SLCO6A1: variants seen among roughly 807,000 people sequenced by gnomAD.
SLCO6A1 encodes cancer/testis antigen 48.
SLCO6A1 carries 65 observed loss-of-function variants against 72.7 expected under a neutral mutation model. The observed-to-expected ratio is 0.89, with a 90% CI of 0.73 to 1.10. SLCO6A1 has a LOEUF of 1.10. Ranked by LOEUF, SLCO6A1 falls within the 50% of genes least tolerant of loss-of-function variation. The pLI is 0.00. For missense variants in SLCO6A1, 874 were observed against 872.6 expected (o/e 1.00, Z -0.02); for synonymous variants, 314 against 298.2 (o/e 1.05, Z -0.55).
At position 102,444,658 on chromosome 5, in the gene SLCO6A1, A is replaced by T. The variant is rs1750013387; in HGVS notation, c.1132-5897T>A. 2.0e-5 allele frequency among the ~76,000 whole-genome samples: 3 copies of T among 152,166 alleles called. No individual in the cohort carries two copies. The South Asian group carries it at 6.2e-4, about 31-fold the overall frequency. The stretch of plus-strand genomic sequence containing the variant: ...TTCACCTCTTTTATTTTCAGAAAAA[A>T]CAGTTTATTTAGAGTCACACCTAGG... On this transcript the variant is annotated intron_variant, in intron 6 of 13. Coordinates refer to ENST00000506729, the MANE Select transcript of SLCO6A1 (RefSeq NM_173488.5).
intron 9 of SLCO6A1, among the ~76,000 whole-genome samples, chr5:102,412,776 A>C (rs1748056628): frequency 6.8e-6 from 1 of 148,050 alleles, no homozygotes; most frequent in Non-Finnish European, 1.5e-5. Context: ...ATAAACACAC[A>C]CCAAAAAAAA....
intron 6 of SLCO6A1, among the ~76,000 whole-genome samples, chr5:102,441,034 C>T (rs1225946004): frequency 6.6e-6 from 1 of 152,180 alleles, no homozygotes; most frequent in African/African-American, 2.4e-5. Flanking sequence ...ACATTAATCA[C>T]TTGGATTTAG....
rs147044344 is a variant in SLCO6A1, at chr5:102,399,664, C to T, written c.1705G>A (p.Gly569Arg). ...AEGDFIDARPGKCDAKCYKLP... is the reference protein window; with the variant it reads ...AEGDFIDARPRKCDAKCYKLP... ...TTATAGCACTTTGCATCACATTTCC[C>T]GGGTCTGGCATCAATAAAATCACCT... Residue 569 changes from glycine to arginine, a missense_variant, in exon 10 of 14, where the codon GGG (glycine) becomes AGG (arginine). Gly to Arg is a moderately radical substitution (Grantham distance 125). Transcript: ENST00000506729. The T allele has an allele frequency of 2.6e-5, 42 of 1,609,126 alleles. No homozygotes were observed. The highest frequency in any genetic ancestry group is 1.7e-4 in the Admixed American group (10 of 59,878).
At chr5:102,498,127 C>G (rs972563366) in intron 1 of SLCO6A1, among the ~76,000 whole-genome samples, 1 of 152,166 alleles carries the variant, frequency 6.6e-6, no homozygotes, top group African/African-American at 2.4e-5. Context: ...TCCCGAGCCC[C>G]TGCCAGCCAA....
At chr5:102,455,090 A>T (rs1750637252) in intron 6 of SLCO6A1, among the ~76,000 whole-genome samples, 1 of 149,834 alleles carries the variant, frequency 6.7e-6, no homozygotes, top group African/African-American at 2.5e-5. Context: ...TTTGCCTGGG[A>T]ATATAAGGTG....
chr5:102,482,276 T>C lies in SLCO6A1; in HGVS notation c.359-1842A>G, dbSNP rs1752234189. Among the ~76,000 whole-genome samples the C allele has an allele frequency of 1.3e-5, 2 of 152,074 alleles. 1 individual carries two copies. The highest frequency in any genetic ancestry group is 4.1e-4 in the South Asian group (2 of 4,820). On this transcript the variant is annotated intron_variant, in intron 1 of 13. Transcript: ENST00000506729. ...AAAATAAAAAACCAGAACATATACATATATAAACATATATACACGCAAATG... is the reference window on the plus strand; with the variant it reads ...AAAATAAAAAACCAGAACATATACACATATAAACATATATACACGCAAATG...
intron 4 of SLCO6A1, 88 bp from the exon 5 acceptor site, chr5:102,459,865 G>C (rs960784802): frequency 8.6e-7 from 1 of 1,164,314 alleles, no homozygotes; most frequent in Non-Finnish European, 1.2e-6. Flanking sequence ...GAAAGTGAGA[G>C]TGAGAGAGGG....
At chr5:102,439,855 A>G (rs977586259) in intron 6 of SLCO6A1, among the ~76,000 whole-genome samples, 2 of 152,182 alleles carry the variant, frequency 1.3e-5, no homozygotes, top group Admixed American at 6.5e-5. Flanking sequence ...CATTTTCTTC[A>G]TTTAGCTTGT....
In SLCO6A1 at chr5:102,480,282, C is replaced by A. The variant is rs536554379; in HGVS notation, c.511G>T (p.Val171Leu). The A allele has an allele frequency of 9.9e-6, 16 of 1,613,306 alleles. No individual in the cohort carries two copies. The highest frequency in any genetic ancestry group is 1.4e-5 in the Non-Finnish European group (16 of 1,179,706). Reference sequence around the variant, plus strand: ...AAGGAGGAAGCTACAAACCATATTACTTTTTTTCTGTCTCCATAGAATGCT... The same window carrying A: ...AAGGAGGAAGCTACAAACCATATTAATTTTTTTCTGTCTCCATAGAATGCT... ...FIAFYGDRKK[V>L]IWFVASSFLI... The change falls in exon 2 of 14, where the codon GTA (valine) becomes TTA (leucine). Residue 171 changes from valine (V) to leucine (L), a missense_variant. By Grantham distance (32) the Val-to-Leu change is conservative (BLOSUM62 1). Coordinates refer to ENST00000506729, the MANE Select transcript of SLCO6A1 (RefSeq NM_173488.5).
chr5:102,465,335 G>C (rs2112781720), intron 4 of SLCO6A1, among the ~76,000 whole-genome samples: 1 of 151,846 alleles, frequency 6.6e-6, no homozygotes, highest in Admixed American at 6.6e-5. Context: ...ATATATATCT[G>C]GGATAACTCA....
chr5:102,374,585 A>G (rs1745673665), intron 12 of SLCO6A1, among the ~76,000 whole-genome samples: 1 of 152,194 alleles, frequency 6.6e-6, no homozygotes, highest in Non-Finnish European at 1.5e-5. Context: ...AATATCAATT[A>G]TCTGACATAA....
chr5:102,450,722 C>G (rs1447158054), intron 6 of SLCO6A1, among the ~76,000 whole-genome samples: 2 of 152,196 alleles, frequency 1.3e-5, no homozygotes, highest in Non-Finnish European at 2.9e-5. Context: ...GGGCTCCACT[C>G]CAGAGAAGCA....
chr5:102,417,668 T>C (rs934985499), intron 8 of SLCO6A1, among the ~76,000 whole-genome samples: 33 of 152,342 alleles, frequency 2.2e-4, no homozygotes, highest in African/African-American at 7.5e-4. Flanking sequence ...TGTATATTTA[T>C]CCACATAGTT....
At chr5:102,450,400 G>C (rs117830554) in intron 6 of SLCO6A1, among the ~76,000 whole-genome samples, 1 of 152,360 alleles carries the variant, frequency 6.6e-6, no homozygotes, top group South Asian at 2.1e-4. Context: ...TATTAGCCAA[G>C]TATTTTCAGT....
At chr5:102,414,924 TAA>T (rs1554068417) in intron 8 of SLCO6A1, among the ~76,000 whole-genome samples, 1 of 151,164 alleles carries the variant, frequency 6.6e-6, no homozygotes, top group African/African-American at 2.4e-5. Flanking sequence ...AATAAATAAA[TAA>T]ATAAATAAAT....
chr5:102,418,013 C>T (rs935425490), intron 8 of SLCO6A1, among the ~76,000 whole-genome samples: 1 of 151,652 alleles, frequency 6.6e-6, no homozygotes, highest in Non-Finnish European at 1.5e-5. Context: ...AAATTACTTA[C>T]TTTTTTCGTC....
intron 4 of SLCO6A1, among the ~76,000 whole-genome samples, chr5:102,460,270 C>T (rs6867818): frequency 0.023 from 3,516 of 152,160 alleles, 95 homozygotes; most frequent in African/African-American, 0.068. Context: ...AGTCCCTTCT[C>T]CGAACTTTCA....
At chr5:102,452,896 A>G (rs2895830) in intron 6 of SLCO6A1, among the ~76,000 whole-genome samples, 71,794 of 151,976 alleles carry the variant, frequency 0.47, 18,683 homozygotes, top group Non-Finnish European at 0.57. Context: ...AAGAGTTTCT[A>G]AACAGCCATT....
intron 9 of SLCO6A1, among the ~76,000 whole-genome samples, chr5:102,410,175 C>T (rs933252120): frequency 2.0e-5 from 3 of 152,162 alleles, no homozygotes; most frequent in Non-Finnish European, 4.4e-5. Flanking sequence ...TAGCTCCTCT[C>T]TGTAGGCGGG....
Sources: allele counts gnomAD v4.1 joint callset (sites outside exome capture counted in the v4.1 genomes callset), GRCh38; gene constraint gnomAD v4.1.1; transcripts MANE v1.5; gene names NCBI Gene and HGNC (gene_info 2026-07-23, HGNC 2026-07-21).